Variants in IL1RAP observed in about 807,000 individuals in gnomAD.
IL1RAP encodes interleukin 1 receptor accessory protein.
In IL1RAP, 35 loss-of-function variants were observed where a neutral mutation model predicts 60.7. The ratio of observed to expected loss-of-function variants is 0.58; its 90% CI spans 0.44 to 0.76. The LOEUF is 0.76. Among genes scored for constraint, IL1RAP ranks in the 30% least tolerant of loss-of-function variants. The pLI is 0.00. For synonymous variants in IL1RAP, 268 were observed against 250.9 expected (o/e 1.07, Z -0.64); for missense variants, 572 against 693.9 (o/e 0.82, Z 1.97).
chr3:190,646,364 T>G (rs558718444), intron 11 of IL1RAP, among the ~76,000 whole-genome samples: 31 of 152,320 alleles, frequency 2.0e-4, no homozygotes, highest in Non-Finnish European at 3.8e-4. Flanking sequence ...GCTCTTTTTT[T>G]TCCCCCTCAC....
intron 1 of IL1RAP, chr3:190,554,728 A>AGTGTGTGTGTGT (rs68156423): frequency 4.2e-5 from 6 of 144,422 alleles, no homozygotes; most frequent in African/African-American, 1.0e-4. Context: ...CTTGTTGTTT[A>AGTGTGTGTGTGT]GTGTGTGTGT....
rs139490424 is a variant in IL1RAP, at chr3:190,604,315, C to T, written c.252C>T (p.Asn84=). ...RQDRDLEEPI[N]FRLPENRISK... is the part of the protein sequence containing the mutation. ...ACCGGGACCTTGAGGAGCCAATTAA[C>T]TTCCGCCTCCCCGAGAACCGCATTA... is the stretch of plus-strand genomic sequence containing the variant. Residue 84 remains asparagine, a synonymous_variant, in exon 4 of 12, where the codon AAC becomes AAT. Transcript: ENST00000447382. 7.4e-5 allele frequency: 119 copies of T among 1,613,890 alleles called. No homozygotes were observed. Among genetic ancestry groups the T allele is most frequent in the Non-Finnish European group, 9.7e-5 (115 of 1,180,002 alleles).
At chr3:190,602,594 T>A (rs1729957058) in intron 3 of IL1RAP, among the ~76,000 whole-genome samples, 2 of 152,156 alleles carry the variant, frequency 1.3e-5, no homozygotes, top group African/African-American at 2.4e-5. Flanking sequence ...AAAAAGAAAC[T>A]ATGGAATTTA....
intron 3 of IL1RAP, among the ~76,000 whole-genome samples, chr3:190,575,460 A>ACTATATATATAATTATATATATAT (rs1727356702): frequency 6.6e-6 from 1 of 152,224 alleles, no homozygotes; most frequent in Non-Finnish European, 1.5e-5. Flanking sequence ...TATTGATGGA[A>ACTATATATATAATTATATATATAT]AGTAATGGGA....
intron 1 of IL1RAP, among the ~76,000 whole-genome samples, chr3:190,553,764 G>C (rs1725107138): frequency 6.6e-6 from 1 of 152,286 alleles, no homozygotes; most frequent in African/African-American, 2.4e-5. Flanking sequence ...AGAAGGTTTA[G>C]AAATGAGAGG....
chr3:190,649,954 G>A lies in IL1RAP; in HGVS notation c.*1249G>A. ...AGATTATACATATATATACACACGT[G>A]TATATGAGATATATATCTTATATCT... is the stretch of plus-strand genomic sequence containing the variant. On this transcript the variant is annotated 3_prime_UTR_variant, in exon 12 of 12. Coordinates refer to ENST00000447382, the MANE Select transcript of IL1RAP (RefSeq NM_002182.4). The A allele has an allele frequency of 1.3e-6, 1 of 765,790 alleles. No individual in the cohort carries two copies. The highest frequency in any genetic ancestry group is 1.6e-6 in the Non-Finnish European group (1 of 629,894). 47.4% of individuals were successfully genotyped at this position (765,790 alleles called of 1,614,324 possible).
chr3:190,656,426 G>T (rs760850409), downstream of IL1RAP: 1 of 1,537,070 alleles, frequency 6.5e-7, no homozygotes, highest in Non-Finnish European at 8.7e-7. Flanking sequence ...AACAAGAGCC[G>T]GGCAGAGATT....
chr3:190,545,919 T>C (rs879609777), intron 1 of IL1RAP, among the ~76,000 whole-genome samples: 1 of 152,156 alleles, frequency 6.6e-6, no homozygotes, highest in Admixed American at 6.5e-5. Context: ...TGACAGAGTG[T>C]TTTAAAAATA....
At position 190,548,863 on chromosome 3, in the gene IL1RAP, T is replaced by A. The variant is rs779661080; in HGVS notation, c.-88-7267T>A. 4.3e-4 allele frequency among the ~76,000 whole-genome samples: 66 copies of A among 152,350 alleles called. 1 individual carries two copies. In the Middle Eastern group the frequency reaches 0.027, roughly 63 times the overall value. On this transcript the variant is annotated intron_variant, in intron 1 of 11. Coordinates refer to ENST00000447382, the MANE Select transcript of IL1RAP (RefSeq NM_002182.4). ...CAAGTGGAGTTTTAAAAATCATCTG[T>A]ATCTTGTGGATTGAGGATTGATTTG...
chr3:190,581,474 C>A (rs558816003), intron 3 of IL1RAP, among the ~76,000 whole-genome samples: 1 of 152,154 alleles, frequency 6.6e-6, no homozygotes, highest in Non-Finnish European at 1.5e-5. Flanking sequence ...CTTTTACATT[C>A]GAAGCTGGGT....
intron 1 of IL1RAP, among the ~76,000 whole-genome samples, chr3:190,536,025 A>G (rs1363182369): frequency 6.6e-6 from 1 of 152,198 alleles, no homozygotes; most frequent in Non-Finnish European, 1.5e-5. Context: ...GTGCATAATG[A>G]TGTTCCCAGA....
intron 9 of IL1RAP, 195 bp downstream of exon 9, chr3:190,629,693 T>C: frequency 3.0e-6 from 4 of 1,314,322 alleles, no homozygotes; most frequent in Non-Finnish European, 3.9e-6. Context: ...TTGTTTCTGA[T>C]ATTGTTAGTA....
chr3:190,548,363 C>A (rs982779926), intron 1 of IL1RAP, among the ~76,000 whole-genome samples: 4 of 152,030 alleles, frequency 2.6e-5, no homozygotes, highest in African/African-American at 9.7e-5. Flanking sequence ...TATTGTGATC[C>A]TTATATCATC....
intron 1 of IL1RAP, among the ~76,000 whole-genome samples, chr3:190,541,154 C>T (rs934106756): frequency 2.0e-5 from 3 of 151,922 alleles, no homozygotes; most frequent in Admixed American, 2.0e-4. Flanking sequence ...AAAGTTAGGG[C>T]CCAACTCTCC....
chr3:190,597,163 G>T (rs572857537), intron 3 of IL1RAP, among the ~76,000 whole-genome samples: 4 of 152,146 alleles, frequency 2.6e-5, no homozygotes, highest in Non-Finnish European at 4.4e-5. Flanking sequence ...CTTTAAAAAT[G>T]TATTGAATTT....
chr3:190,605,594 C>T (rs1730255491), intron 4 of IL1RAP, among the ~76,000 whole-genome samples: 1 of 152,076 alleles, frequency 6.6e-6, no homozygotes, highest in Non-Finnish European at 1.5e-5. Flanking sequence ...CTTTAACAAA[C>T]AAAATTACCT....
intron 9 of IL1RAP, among the ~76,000 whole-genome samples, chr3:190,634,811 G>A (rs1733087583): frequency 6.7e-6 from 1 of 149,858 alleles, no homozygotes; most frequent in African/African-American, 2.5e-5. Context: ...GGCCTCCCGG[G>A]TTCACGCCAT....
At chr3:190,653,379 A>G (rs1734488957), downstream of IL1RAP, among the ~76,000 whole-genome samples, 1 of 152,224 alleles carries the variant, frequency 6.6e-6, no homozygotes, top group Non-Finnish European at 1.5e-5. Flanking sequence ...CATTTTATAG[A>G]TGGATGAACT....
intron 1 of IL1RAP, among the ~76,000 whole-genome samples, chr3:190,539,697 T>G (rs1204936690): frequency 2.0e-5 from 3 of 150,586 alleles, no homozygotes; most frequent in Admixed American, 6.6e-5. Context: ...AAGGATAAAT[T>G]AAAAATAAAA....
Sources: allele counts gnomAD v4.1 joint callset (sites outside exome capture counted in the v4.1 genomes callset), GRCh38; gene constraint gnomAD v4.1.1; transcripts MANE v1.5; gene names NCBI Gene and HGNC (gene_info 2026-07-23, HGNC 2026-07-21).